TPO: variants seen among roughly 807,000 people sequenced by gnomAD.
TPO encodes the protein thyroid microsomal antigen.
In TPO, 78 loss-of-function variants were observed where a neutral mutation model predicts 96.9. The ratio of observed to expected loss-of-function variants is 0.81; its 90% CI spans 0.67 to 0.97. The LOEUF is 0.97. Among genes scored for constraint, TPO ranks in the 50% least tolerant of loss-of-function variants. The probability of loss-of-function intolerance (pLI) is 0.00; values close to 1 mark genes in which losing one functional copy is unlikely to be tolerated. For synonymous variants in TPO, 547 were observed against 538.0 expected, an observed-to-expected ratio of 1.02 and a Z score of -0.23; for missense variants, 1,252 against 1,274.8, an observed-to-expected ratio of 0.98 and a Z score of 0.27.
intron 1 of TPO, among the ~76,000 whole-genome samples, chr2:1,404,991 C>T (rs1662227568): frequency 6.6e-6 from 1 of 152,100 alleles, no homozygotes; most frequent in Non-Finnish European, 1.5e-5. Context: ...ATCCATCGAC[C>T]CATTCACACA....
At chr2:1,460,808 T>C (rs1349064468) in intron 7 of TPO, among the ~76,000 whole-genome samples, 4 of 152,026 alleles carry the variant, frequency 2.6e-5, no homozygotes, top group African/African-American at 9.7e-5. Flanking sequence ...GTGTGGAGGT[T>C]GGGCTCCCCT....
intron 5 of TPO, among the ~76,000 whole-genome samples, chr2:1,437,943 G>C (rs1223759765): frequency 2.6e-5 from 4 of 152,188 alleles, no homozygotes; most frequent in Non-Finnish European, 5.9e-5. Context: ...AGGATGCACA[G>C]GAGATGATGC....
chr2:1,494,203 A>G (rs776645090), intron 11 of TPO, among the ~76,000 whole-genome samples, 164 bp downstream of exon 11: 22 of 152,224 alleles, frequency 1.4e-4, no homozygotes, highest in Non-Finnish European at 2.1e-4. Context: ...TCTTTAACCT[A>G]GAACAGTGTT....
chr2:1,524,254 T>C (rs1319868224), intron 15 of TPO, among the ~76,000 whole-genome samples: 58 of 137,482 alleles, frequency 4.2e-4, no homozygotes, highest in African/African-American at 1.6e-3. Context: ...CCCCACTGTG[T>C]GCAACCTCCT....
At chr2:1,452,690 T>C (rs1667417009) in intron 5 of TPO, among the ~76,000 whole-genome samples, 1 of 152,264 alleles carries the variant, frequency 6.6e-6, no homozygotes, top group African/African-American at 2.4e-5. Flanking sequence ...TTTATTCATG[T>C]ATCAGCAATC....
intron 5 of TPO, among the ~76,000 whole-genome samples, chr2:1,453,276 T>A (rs1289349963): frequency 6.6e-6 from 1 of 152,220 alleles, no homozygotes; most frequent in Admixed American, 6.5e-5. Context: ...GGTGGCTTCA[T>A]GGTGCTTTGA....
chr2:1,411,295 C>T (rs1003649015), upstream of TPO, among the ~76,000 whole-genome samples: 12 of 151,960 alleles, frequency 7.9e-5, no homozygotes, highest in African/African-American at 2.7e-4. Flanking sequence ...CATATTTGTG[C>T]GGGGTCAAAT....
intron 3 of TPO, among the ~76,000 whole-genome samples, chr2:1,426,873 T>G (rs9326171): frequency 0.26 from 38,962 of 152,144 alleles, 5,208 homozygotes; most frequent in Admixed American, 0.35. Flanking sequence ...TTCTAAATAA[T>G]AATATCCAAA....
chr2:1,497,515 C>T (rs1449216258), intron 13 of TPO, among the ~76,000 whole-genome samples: 1 of 152,194 alleles, frequency 6.6e-6, no homozygotes, highest in Non-Finnish European at 1.5e-5. Context: ...CTGGGGCTTC[C>T]TGTCAGAGCA....
chr2:1,440,469 C>T (rs1195018573), intron 5 of TPO, among the ~76,000 whole-genome samples: 1 of 152,188 alleles, frequency 6.6e-6, no homozygotes, highest in East Asian at 1.9e-4. Flanking sequence ...AATGATTTTT[C>T]TTTCACCATT....
At chr2:1,414,190 G>A (rs1197774061) in intron 1 of TPO, among the ~76,000 whole-genome samples, 2 of 152,090 alleles carry the variant, frequency 1.3e-5, no homozygotes, top group Non-Finnish European at 2.9e-5. Flanking sequence ...GAATAATGGG[G>A]GCCTGGGAGG....
intron 7 of TPO, among the ~76,000 whole-genome samples, chr2:1,476,854 G>C (rs1477346419): frequency 6.6e-6 from 1 of 151,026 alleles, no homozygotes; most frequent in African/African-American, 2.5e-5. Flanking sequence ...GCAGGCCAGG[G>C]GGGAGGTGGG....
intron 13 of TPO, among the ~76,000 whole-genome samples, chr2:1,499,788 C>T (rs1672696008): frequency 6.6e-6 from 1 of 152,234 alleles, no homozygotes; most frequent in Non-Finnish European, 1.5e-5. Context: ...TTGGGCCCAA[C>T]TTCATGTTCT....
chr2:1,434,253 G>A (rs114469108), intron 4 of TPO, among the ~76,000 whole-genome samples: 350 of 152,310 alleles, frequency 2.3e-3, no homozygotes, highest in African/African-American at 7.7e-3. Flanking sequence ...GCAAGTAAGC[G>A]AAATGTCTTT....
intron 7 of TPO, among the ~76,000 whole-genome samples, chr2:1,462,550 A>G (rs907902531): frequency 7.9e-5 from 12 of 152,270 alleles, no homozygotes; most frequent in East Asian, 5.8e-4. Context: ...ACAGATATCA[A>G]TGAAAGATAA....
chr2:1,433,080 CCT>C (rs1455094741), intron 3 of TPO, among the ~76,000 whole-genome samples: 1 of 152,104 alleles, frequency 6.6e-6, no homozygotes, highest in Non-Finnish European at 1.5e-5. Context: ...TTCCCAGTCT[CCT>C]GTTTCATTAG....
chr2:1,387,318 T>C (rs1418238088), intron 1 of TPO, among the ~76,000 whole-genome samples: 1 of 152,226 alleles, frequency 6.6e-6, no homozygotes, highest in East Asian at 1.9e-4. Context: ...TCCAACTTGG[T>C]TCCATTGTCC....
intron 7 of TPO, among the ~76,000 whole-genome samples, chr2:1,461,996 G>A (rs949494949): frequency 1.3e-5 from 2 of 152,192 alleles, no homozygotes; most frequent in African/African-American, 2.4e-5. Flanking sequence ...CATCAGCCAT[G>A]TCACTCTCCA....
rs921493671 is a variant in TPO at position 1,433,575 on chromosome 2, A to G, written c.317A>G (p.Asn106Ser). 2 of 1,614,072 alleles carry G rather than the reference A, an allele frequency of 1.2e-6. No homozygotes were observed. Among genetic ancestry groups the G allele is most frequent in the East Asian group, 2.2e-5 (1 of 44,864 alleles). ...ATACAAGCGATGAAAAGAAAAGTCA[A>G]CCTGAAAACTCAACAATCACAGCAT... ...TSIQAMKRKV[N>S]LKTQQSQHPT... Residue 106 changes from asparagine (N) to serine (S), a missense_variant, in exon 4 of 17, where the codon AAC becomes AGC. By Grantham distance (46) the Asn-to-Ser change is conservative. Transcript: ENST00000329066.
Sources: allele counts gnomAD v4.1 joint callset (sites outside exome capture counted in the v4.1 genomes callset), GRCh38; gene constraint gnomAD v4.1.1; transcripts MANE v1.5; gene names NCBI Gene and HGNC (gene_info 2026-07-23, HGNC 2026-07-21).